ITGA11: variants seen among roughly 807,000 people sequenced by gnomAD.
ITGA11 encodes integrin alpha-11.
In ITGA11, 97 loss-of-function variants were observed where a neutral mutation model predicts 141.9. The observed-to-expected ratio is 0.68, with a 90% CI of 0.58 to 0.81. ITGA11 has a LOEUF of 0.81. Ranked by LOEUF, ITGA11 falls within the 30% of genes least tolerant of loss-of-function variation. ITGA11 has a pLI of 0.00. For synonymous variants in ITGA11, 658 were observed against 624.6 expected, an observed-to-expected ratio of 1.05 and a Z score of -0.80; for missense variants, 1,387 against 1,559.2, an observed-to-expected ratio of 0.89 and a Z score of 1.86.
intron 1 of ITGA11, among the ~76,000 whole-genome samples, chr15:68,425,597 A>G (rs764524982): frequency 9.2e-5 from 14 of 152,200 alleles, no homozygotes; most frequent in Non-Finnish European, 1.6e-4. Flanking sequence ...CATCCATCTA[A>G]TGGACACACC....
intron 2 of ITGA11, among the ~76,000 whole-genome samples, chr15:68,381,109 GA>G (rs1895851472): frequency 6.6e-6 from 1 of 152,156 alleles, no homozygotes; most frequent in Admixed American, 6.5e-5. Context: ...AGACCTCTTA[GA>G]AAAAATTAAG....
chr15:68,302,858 T>C lies in ITGA11; in HGVS notation c.*201A>G. ...GGGGTCTGTGTTAAAGGTGTCCCAG[T>C]CTCCCAGTAGGGCAGTTCCACTTAA... is the stretch of plus-strand genomic sequence containing the variant. On this transcript the variant is annotated 3_prime_UTR_variant, in exon 30 of 30. Coordinates refer to ENST00000315757, the MANE Select transcript of ITGA11 (RefSeq NM_001004439.2). 1 of 575,430 alleles carries C rather than the reference T, an allele frequency of 1.7e-6. No homozygotes were observed. The highest frequency in any genetic ancestry group is 3.1e-6 in the Non-Finnish European group (1 of 325,478). The allele number at this position is 575,430 out of a possible 1,614,324, so 35.6% of individuals were successfully genotyped here. A position where few individuals can be genotyped will look rare whatever the true frequency, so the allele number is the denominator to read the frequency against.
chr15:68,342,075 G>A lies in ITGA11; in HGVS notation c.1132-2431C>T, dbSNP rs575643437. Among the ~76,000 whole-genome samples the A allele has an allele frequency of 2.4e-3, 362 of 152,328 alleles. 3 individuals are homozygous for A. Among genetic ancestry groups the A allele is most frequent in the African/African-American group, 8.4e-3 (351 of 41,566 alleles). On this transcript the variant is annotated intron_variant, in intron 10 of 29. Transcript: ENST00000315757. Reference sequence around the variant, plus strand: ...GAGTAGACAGGTTAAGGCCACTGAAGCAAGCCTTAGTATGTCACAATCTCT... The same window carrying A: ...GAGTAGACAGGTTAAGGCCACTGAAACAAGCCTTAGTATGTCACAATCTCT...
intron 10 of ITGA11, among the ~76,000 whole-genome samples, chr15:68,345,716 G>A (rs755946426): frequency 1.3e-5 from 2 of 152,214 alleles, no homozygotes; most frequent in African/African-American, 2.4e-5. Flanking sequence ...AAGCCTGGGG[G>A]CTTGCCTGGG....
In ITGA11 at chr15:68,315,803, C is replaced by T. The variant is rs192298555; in HGVS notation, c.2716-76G>A. On this transcript the variant is annotated intron_variant, in intron 21 of 29. Coordinates refer to ENST00000315757, the MANE Select transcript of ITGA11 (RefSeq NM_001004439.2). ...ACTCCCCACAGCCCACTCCCCACAG[C>T]CCCCTGCTGGCTTGGGGAGAGGGAG... The T allele has an allele frequency of 1.2e-3, 1,466 of 1,234,036 alleles. 3 individuals are homozygous for T. Among genetic ancestry groups the T allele is most frequent in the Non-Finnish European group, 1.5e-3 (1,290 of 883,802 alleles). The allele number at this position is 1,234,036 out of a possible 1,614,324, so 76.4% of individuals were successfully genotyped here.
At position 68,330,636 on chromosome 15, in the gene ITGA11, C is replaced by T. The variant is rs984396024; in HGVS notation, c.1901+345G>A. Among the ~76,000 whole-genome samples the T allele has an allele frequency of 9.2e-5, 14 of 152,178 alleles. 1 individual carries two copies. Among genetic ancestry groups the T allele is most frequent in the African/African-American group, 1.2e-4 (5 of 41,498 alleles). On this transcript the variant is annotated intron_variant, in intron 15 of 29. Transcript: ENST00000315757. The stretch of plus-strand genomic sequence containing the variant: ...TCTGTACTAGATAAACATTCCTCCA[C>T]GCCAGGGGAGAAGGAAAGGTCCTTC...
rs112290644 is a variant in ITGA11, at chr15:68,317,410, G to A, written c.2617-47C>T. ...CATGGCAGCAGTTAGGTGGGGCCTG[G>A]GACCAGGTCTCGAGGCTCCCTCACC... On this transcript the variant is annotated intron_variant, in intron 20 of 29. Transcript: ENST00000315757. 6.6e-4 allele frequency: 890 copies of A among 1,352,036 alleles called. 4 individuals are homozygous for A. The African/African-American group carries it at 6.8e-3, about 10-fold the overall frequency. The allele number at this position is 1,352,036 out of a possible 1,614,324, so 83.8% of individuals were successfully genotyped here.
Position 68,302,992 on chromosome 15 carries a change from G to A in ITGA11, c.*67C>T. ...CCGCTCCAGCTCGGTGGGGCCACAG[G>A]CCTGGGTCTCAACACTACCTGGACT... On this transcript the variant is annotated 3_prime_UTR_variant, in exon 30 of 30. Transcript: ENST00000315757. 7.5e-7 allele frequency: 1 copy of A among 1,328,910 alleles called. No homozygotes were observed. The highest frequency in any genetic ancestry group is 1.0e-6 in the Non-Finnish European group (1 of 962,536). 82.3% of individuals were successfully genotyped at this position (1,328,910 alleles called of 1,614,324 possible).
rs538945290 is a variant in ITGA11 at position 68,425,792 on chromosome 15, A to G, written c.52+6223T>C. 2.7e-3 allele frequency among the ~76,000 whole-genome samples: 414 copies of G among 152,362 alleles called. 2 individuals carry two copies. The highest frequency in any genetic ancestry group is 9.6e-3 in the African/African-American group (399 of 41,596). ...ACAGGCCCTGAAAATCCGCAGGGTC[A>G]GGATTTCTGGTTGTCTGGCCCAGCT... On this transcript the variant is annotated intron_variant, in intron 1 of 29. Coordinates refer to ENST00000315757, the MANE Select transcript of ITGA11 (RefSeq NM_001004439.2).
At chr15:68,306,240 T>G (rs1225042073) in intron 28 of ITGA11, among the ~76,000 whole-genome samples, 3 of 143,326 alleles carry the variant, frequency 2.1e-5, no homozygotes, top group Non-Finnish European at 3.0e-5. Flanking sequence ...AGGAATTTTT[T>G]GGGGGGTTGA....
Position 68,303,180 on chromosome 15 carries a change from G to A in ITGA11, c.3496-50C>T. 6.8e-7 allele frequency: 1 copy of A among 1,471,020 alleles called. No homozygotes were observed. The allele number at this position is 1,471,020 out of a possible 1,614,324, so 91.1% of individuals were successfully genotyped here. On this transcript the variant is annotated intron_variant, in intron 29 of 29. Transcript: ENST00000315757. This position sits in a 1 kb window ranked among gnomAD's most constrained non-coding sequence, Gnocchi z 5.3. ...CTCAGAGGAGGACAGGGTGGGCAAG[G>A]CCTGCCCCAGCTTTCCCTCCACTAC... is the stretch of plus-strand genomic sequence containing the variant.
rs780452800 is a variant in ITGA11, at chr15:68,348,872, C to A, written c.1089G>T (p.Gly363=). The A allele has an allele frequency of 1.6e-5, 25 of 1,609,220 alleles. No homozygotes were observed. The highest frequency in any genetic ancestry group is 2.0e-5 in the Non-Finnish European group (24 of 1,177,848). The change falls in exon 10 of 30, where the codon GGG becomes GGT. Residue 363 remains glycine, a synonymous_variant. Coordinates refer to ENST00000315757, the MANE Select transcript of ITGA11 (RefSeq NM_001004439.2). ...AAAAGCCCGTCTGTGACATCTCCAG[C>A]CCAAAGGAGGTCTCGTTCTTGTTGG... The part of the protein sequence containing the change: ...EGTNKNETSF[G]LEMSQTGFSS...
intron 2 of ITGA11, among the ~76,000 whole-genome samples, chr15:68,387,179 G>A (rs1165930666): frequency 6.6e-6 from 1 of 152,112 alleles, no homozygotes; most frequent in East Asian, 1.9e-4. Context: ...GGGCCTCTGG[G>A]TGCATTACAA....
chr15:68,409,381 G>C (rs960960122), intron 1 of ITGA11, among the ~76,000 whole-genome samples: 1 of 152,000 alleles, frequency 6.6e-6, no homozygotes, highest in Non-Finnish European at 1.5e-5. Flanking sequence ...TTGCCTACCG[G>C]ATTTCTCACC....
chr15:68,378,321 T>A (rs1273841299), intron 2 of ITGA11, among the ~76,000 whole-genome samples: 1 of 152,220 alleles, frequency 6.6e-6, no homozygotes, highest in African/African-American at 2.4e-5. Context: ...CATCCCTTTT[T>A]CTACTGATAG....
At chr15:68,330,751 T>C (rs1281379134) in intron 15 of ITGA11, among the ~76,000 whole-genome samples, 3 of 152,164 alleles carry the variant, frequency 2.0e-5, no homozygotes, top group African/African-American at 7.2e-5. Flanking sequence ...CCATAACTTT[T>C]AGGACAAATT....
intron 2 of ITGA11, among the ~76,000 whole-genome samples, chr15:68,374,276 C>A (rs1895671672): frequency 6.6e-6 from 1 of 152,226 alleles, no homozygotes; most frequent in Non-Finnish European, 1.5e-5. Context: ...AGCCTTGTGG[C>A]AACAGAAACC....
chr15:68,407,024 C>T (rs972983079), intron 1 of ITGA11, among the ~76,000 whole-genome samples: 1 of 152,188 alleles, frequency 6.6e-6, no homozygotes, highest in East Asian at 1.9e-4. Context: ...GTTCTCTTCC[C>T]TCCCTAGATC....
rs374516963 is a variant in ITGA11, at chr15:68,348,817, C to T, written c.1131+13G>A. On this transcript the variant is annotated intron_variant, in intron 10 of 29. Coordinates refer to ENST00000315757, the MANE Select transcript of ITGA11 (RefSeq NM_001004439.2). ...CAGAGGCTGGGCTCTGTGCCCGTAC[C>T]TCCACCACATACCTCCACCACGTGC... is the stretch of plus-strand genomic sequence containing the variant. 6.9e-6 allele frequency: 11 copies of T among 1,603,406 alleles called. No individual in the cohort carries two copies. The highest frequency in any genetic ancestry group is 1.7e-5 in the Admixed American group (1 of 58,812).
Sources: allele counts gnomAD v4.1 joint callset (sites outside exome capture counted in the v4.1 genomes callset), GRCh38; gene constraint gnomAD v4.1.1; non-coding constraint Gnocchi (gnomAD v3.1); transcripts MANE v1.5; gene names NCBI Gene and HGNC (gene_info 2026-07-23, HGNC 2026-07-21).